Variants in FNDC3B observed in about 807,000 individuals in gnomAD.
FNDC3B encodes the protein fibronectin type III domain containing 3B.
A neutral mutation model predicts 151.5 loss-of-function variants in FNDC3B; 12 were observed. The ratio of observed to expected loss-of-function variants is 0.08; its 90% CI spans 0.05 to 0.13. The LOEUF is 0.13. Among genes scored for constraint, FNDC3B ranks in the 10% least tolerant of loss-of-function variants. FNDC3B has a pLI of 1.00. For missense variants in FNDC3B, 1,214 were observed against 1,505.3 expected (o/e 0.81, Z 3.20); for synonymous variants, 528 against 549.0 (o/e 0.96, Z 0.54).
chr3:172,241,103 G>T (rs778700004), intron 4 of FNDC3B, among the ~76,000 whole-genome samples: 1 of 152,152 alleles, frequency 6.6e-6, no homozygotes, highest in Non-Finnish European at 1.5e-5. Context: ...AGATGGCTCA[G>T]TGTTTGTTCA....
At chr3:172,096,298 C>A (rs1274237037) in intron 1 of FNDC3B, among the ~76,000 whole-genome samples, 1 of 152,144 alleles carries the variant, frequency 6.6e-6, no homozygotes, top group Non-Finnish European at 1.5e-5. Context: ...AACTTGCATA[C>A]CTATAAACGT....
At chr3:172,090,526 C>T (rs1307428217) in intron 1 of FNDC3B, among the ~76,000 whole-genome samples, 1 of 152,152 alleles carries the variant, frequency 6.6e-6, no homozygotes, top group African/African-American at 2.4e-5. Flanking sequence ...ATCCAAGTTT[C>T]CTGCTTCTCC....
intron 16 of FNDC3B, among the ~76,000 whole-genome samples, chr3:172,339,891 A>C (rs1733203941): frequency 6.6e-6 from 1 of 152,192 alleles, no homozygotes; most frequent in Non-Finnish European, 1.5e-5. Flanking sequence ...GCCTTTCTTC[A>C]TATGGCCTTA....
intron 3 of FNDC3B, among the ~76,000 whole-genome samples, chr3:172,209,403 C>T (rs1360985109): frequency 1.3e-5 from 2 of 152,122 alleles, no homozygotes; most frequent in Non-Finnish European, 2.9e-5. Flanking sequence ...TGAAGTTACA[C>T]GGGCAACTGG....
chr3:172,090,995 G>C (rs1373778481), intron 1 of FNDC3B, among the ~76,000 whole-genome samples: 1 of 152,116 alleles, frequency 6.6e-6, no homozygotes, highest in Non-Finnish European at 1.5e-5. Flanking sequence ...TGAAAATTCA[G>C]ATCTGAAATC....
intron 3 of FNDC3B, among the ~76,000 whole-genome samples, chr3:172,136,515 A>C (rs1023913644): frequency 2.6e-5 from 4 of 152,200 alleles, no homozygotes; most frequent in Non-Finnish European, 4.4e-5. Flanking sequence ...GGAGGGCTCC[A>C]GCTCCAGGAC....
chr3:172,307,490 C>G lies in FNDC3B; in HGVS notation c.1189C>G (p.Leu397Val). Reference protein sequence around the residue: ...LAHRSKSSLTLQWKAPIDNGS... With the variant: ...LAHRSKSSLTVQWKAPIDNGS... ...ACATAGGAGCAAAAGTTCACTAACC[C>G]TGCAGTGGAAGGTGGGTAGCTCAAA... Residue 397 changes from leucine (L) to valine (V), a missense_variant, in exon 10 of 26, where the codon CTG (leucine) becomes GTG (valine). Physicochemically the swap from Leu to Val is conservative, Grantham distance 32. Coordinates refer to ENST00000415807, the MANE Select transcript of FNDC3B (RefSeq NM_022763.4). 1 of 1,614,082 alleles carries G rather than the reference C, an allele frequency of 6.2e-7. No homozygotes were observed. Among genetic ancestry groups the G allele is most frequent in the Non-Finnish European group, 8.5e-7 (1 of 1,180,002 alleles).
At chr3:172,371,684 T>C (rs148555502) in intron 23 of FNDC3B, among the ~76,000 whole-genome samples, 3 of 152,362 alleles carry the variant, frequency 2.0e-5, no homozygotes, top group African/African-American at 4.8e-5. Flanking sequence ...CCCGACGCTA[T>C]GGGCAGTGCC....
At chr3:172,333,375 G>T (rs1732777898) in intron 14 of FNDC3B, among the ~76,000 whole-genome samples, 200 bp downstream of exon 14, 2 of 152,134 alleles carry the variant, frequency 1.3e-5, no homozygotes, top group Non-Finnish European at 2.9e-5. Flanking sequence ...AGGCTGGAGT[G>T]CAGTGGCACG....
chr3:172,337,467 GTCTT>G (rs1227488624), intron 16 of FNDC3B, 66 bp downstream of exon 16: 1 of 997,692 alleles, frequency 1.0e-6, no homozygotes, highest in African/African-American at 1.6e-5. Flanking sequence ...TATAGTAAAT[GTCTT>G]TATAGTAATA....
At chr3:172,069,014 TAAC>T (rs752769189) in intron 1 of FNDC3B, among the ~76,000 whole-genome samples, 2 of 152,212 alleles carry the variant, frequency 1.3e-5, no homozygotes, top group Non-Finnish European at 2.9e-5. Context: ...GGAGGGGACA[TAAC>T]ATCATTCCCC....
intron 3 of FNDC3B, among the ~76,000 whole-genome samples, chr3:172,205,872 T>C (rs1345798911): frequency 1.3e-5 from 2 of 152,210 alleles, no homozygotes; most frequent in East Asian, 3.8e-4. Context: ...TGAATTACAT[T>C]GTGGTCTAGT....
chr3:172,063,585 A>G (rs1717331790), intron 1 of FNDC3B, among the ~76,000 whole-genome samples: 1 of 152,122 alleles, frequency 6.6e-6, no homozygotes, highest in Admixed American at 6.6e-5. Flanking sequence ...ATGATTGCTG[A>G]TCTCTTTCCT....
intron 9 of FNDC3B, among the ~76,000 whole-genome samples, chr3:172,300,374 T>C (rs1480873292): frequency 6.6e-6 from 1 of 152,244 alleles, no homozygotes; most frequent in Non-Finnish European, 1.5e-5. Flanking sequence ...AATTTCCTGC[T>C]CATTCATGAG....
intron 23 of FNDC3B, among the ~76,000 whole-genome samples, chr3:172,373,091 C>T (rs1734958475): frequency 6.6e-6 from 1 of 152,148 alleles, no homozygotes; most frequent in Admixed American, 6.5e-5. Context: ...AGGGGAGCAG[C>T]CCAGGGTTAA....
intron 3 of FNDC3B, among the ~76,000 whole-genome samples, chr3:172,152,725 A>C (rs941917698): frequency 6.6e-6 from 1 of 151,802 alleles, no homozygotes; most frequent in Non-Finnish European, 1.5e-5. Context: ...TCTTCTTTTC[A>C]CGGGACCCCT....
chr3:172,177,715 C>T (rs1723679894), intron 3 of FNDC3B, among the ~76,000 whole-genome samples: 1 of 127,920 alleles, frequency 7.8e-6, no homozygotes, highest in Non-Finnish European at 1.6e-5. Flanking sequence ...ACTTTAAGTT[C>T]CAGGATACAT....
In FNDC3B at chr3:172,067,613, A is replaced by G. The variant is rs796553008; in HGVS notation, c.-29+27842A>G. ...GCTACAATTACATCAAGAGTTTCCTATACGAAGCAAAGTCTCTGGTGGGTT... is the reference window on the plus strand; with the variant it reads ...GCTACAATTACATCAAGAGTTTCCTGTACGAAGCAAAGTCTCTGGTGGGTT... On this transcript the variant is annotated intron_variant, in intron 1 of 25. Coordinates refer to ENST00000415807, the MANE Select transcript of FNDC3B (RefSeq NM_022763.4). Among the ~76,000 whole-genome samples, 56 of 152,268 alleles carry G rather than the reference A, an allele frequency of 3.7e-4. 1 individual carries two copies. The highest frequency in any genetic ancestry group is 1.2e-3 in the African/African-American group (51 of 41,552).
intron 8 of FNDC3B, 100 bp from the exon 9 acceptor site, chr3:172,298,628 T>C: frequency 3.3e-6 from 2 of 608,328 alleles, no homozygotes; most frequent in East Asian, 3.0e-5. Flanking sequence ...GACATAATAG[T>C]TCATGAATTA....
Sources: gnomAD v4.1 joint callset for allele counts (sites outside exome capture counted in the v4.1 genomes callset) on GRCh38, gnomAD v4.1.1 for gene constraint, MANE v1.5 for transcripts, NCBI Gene and HGNC (gene_info 2026-07-23, HGNC 2026-07-21) for gene names.